Variants in ZFAT observed in about 807,000 individuals in gnomAD.
ZFAT encodes zinc finger and AT-hook domain containing.
A neutral mutation model predicts 117.7 loss-of-function variants in ZFAT; 64 were observed. The ratio of observed to expected loss-of-function variants is 0.54; its 90% CI spans 0.44 to 0.67. ZFAT has a LOEUF of 0.67. ZFAT is among the 30% of genes least tolerant of loss of function. The probability of loss-of-function intolerance (pLI) is 0.00; values close to 1 mark genes in which losing one functional copy is unlikely to be tolerated. For synonymous variants in ZFAT, 679 were observed against 615.0 expected, an observed-to-expected ratio of 1.10 and a Z score of -1.54; for missense variants, 1,433 against 1,584.5, an observed-to-expected ratio of 0.90 and a Z score of 1.62.
chr8:134,567,481 A>T (rs540891930), intron 10 of ZFAT, among the ~76,000 whole-genome samples: 13 of 146,030 alleles, frequency 8.9e-5, no homozygotes, highest in African/African-American at 3.6e-4. Flanking sequence ...CCATCCATCC[A>T]TCCATCCATC....
the ZFAT span, among the ~76,000 whole-genome samples, chr8:134,801,868 AGCTCTGTGATTCTGAAAGCATGG>A: frequency 6.6e-6 from 1 of 152,222 alleles, no homozygotes; most frequent in Non-Finnish European, 1.5e-5. Flanking sequence ...ATGTAAGATG[AGCTCTGTGATTCTGAAAGCATGG>A]GCCTAGAGGA....
At chr8:134,684,627 T>C (rs1288666588) in intron 1 of ZFAT, among the ~76,000 whole-genome samples, 1 of 152,190 alleles carries the variant, frequency 6.6e-6, no homozygotes, top group African/African-American at 2.4e-5. Context: ...CTTACACTTC[T>C]CCCTTCCTTT....
At chr8:134,600,211 C>T (rs575498384) in intron 7 of ZFAT, 3 of 564,284 alleles carry the variant, frequency 5.3e-6, no homozygotes, top group African/African-American at 3.8e-5. Context: ...AAAATTTGCA[C>T]AGGAAACAAT....
At chr8:134,731,455 C>T in the ZFAT span, among the ~76,000 whole-genome samples, 2 of 152,324 alleles carry the variant, frequency 1.3e-5, no homozygotes, top group East Asian at 3.9e-4. Context: ...GTATTTTCAG[C>T]TTTGCAGGCC....
At chr8:134,511,404 C>T (rs1819832072) in intron 14 of ZFAT, among the ~76,000 whole-genome samples, 2 of 152,176 alleles carry the variant, frequency 1.3e-5, no homozygotes, top group South Asian at 2.1e-4. Flanking sequence ...TGGGCCTCGA[C>T]TCTCCCGTCT....
At chr8:134,751,516 T>C in the ZFAT span, among the ~76,000 whole-genome samples, 1 of 152,158 alleles carries the variant, frequency 6.6e-6, no homozygotes, top group Non-Finnish European at 1.5e-5. Flanking sequence ...CACAGTAAAA[T>C]GTGAGCTATT....
At chr8:134,531,429 G>A (rs550857774) in intron 12 of ZFAT, among the ~76,000 whole-genome samples, 60 of 152,258 alleles carry the variant, frequency 3.9e-4, no homozygotes, top group African/African-American at 1.2e-3. Flanking sequence ...AAAATAATGC[G>A]ATGGCTCCAC....
At chr8:134,809,420 C>A in the ZFAT span, among the ~76,000 whole-genome samples, 45,952 of 152,006 alleles carry the variant, frequency 0.3, 7,579 homozygotes, top group African/African-American at 0.43. Flanking sequence ...CCTTGCCGTT[C>A]GGGTGACCAG....
the ZFAT span, among the ~76,000 whole-genome samples, chr8:134,755,817 CA>C: frequency 0.34 from 30,074 of 89,126 alleles, 2,373 homozygotes; most frequent in East Asian, 0.42. Flanking sequence ...GACTCCATCT[CA>C]AAAAAAAAAA....
chr8:134,607,574 A>C (rs1371665708), intron 5 of ZFAT, among the ~76,000 whole-genome samples: 3 of 152,262 alleles, frequency 2.0e-5, no homozygotes, highest in African/African-American at 7.2e-5. Context: ...TCATATCACC[A>C]GTGCCCAGCA....
Position 134,602,086 on chromosome 8 carries a change from C to T in ZFAT, c.1633G>A (p.Gly545Ser). 5.0e-6 allele frequency: 8 copies of T among 1,611,714 alleles called. No individual in the cohort carries two copies. The highest frequency in any genetic ancestry group is 5.9e-6 in the Non-Finnish European group (7 of 1,179,324). Residue 545 changes from glycine (G) to serine (S), a missense_variant, in exon 6 of 16, where the codon GGC becomes AGC. Transcript: ENST00000377838. ...CCAGGGGCCTCCGGCTCCTTCCGGC[C>T]CTCCTCCAGCTGAGTGTCCCCAGGA... ...ACPGDTQLEE[G>S]RKEPEAPGEM...
chr8:134,620,673 A>G lies in ZFAT; in HGVS notation c.449-10018T>C, dbSNP rs1829048573. ...TCACTCTTCCGAGATGGTAGGATACAGCGCAGGGCCAAAGACCCCCAGCTG... is the reference window on the plus strand; with the variant it reads ...TCACTCTTCCGAGATGGTAGGATACGGCGCAGGGCCAAAGACCCCCAGCTG... On this transcript the variant is annotated intron_variant, in intron 3 of 15. Transcript: ENST00000377838. Among the ~76,000 whole-genome samples the G allele has an allele frequency of 2.0e-5, 3 of 152,238 alleles. No homozygotes were observed. In the South Asian group the frequency reaches 6.2e-4, roughly 32 times the overall value.
At chr8:134,675,993 C>G (rs554319982) in intron 1 of ZFAT, among the ~76,000 whole-genome samples, 1 of 152,206 alleles carries the variant, frequency 6.6e-6, no homozygotes, top group East Asian at 1.9e-4. Context: ...CAAAAACATA[C>G]CAAGTTGTAA....
chr8:134,507,652 T>C (rs540389471), intron 15 of ZFAT, among the ~76,000 whole-genome samples: 64 of 152,348 alleles, frequency 4.2e-4, no homozygotes, highest in Non-Finnish European at 7.3e-4. Flanking sequence ...GTCAGTCTGA[T>C]GCCTCAAAGC....
chr8:134,758,378 T>G, the ZFAT span, among the ~76,000 whole-genome samples: 9 of 152,330 alleles, frequency 5.9e-5, no homozygotes, highest in East Asian at 1.7e-3. Context: ...TGGGTTCAAC[T>G]CTCCACTTTA....
chr8:134,500,619 T>C (rs1371954303), intron 15 of ZFAT, among the ~76,000 whole-genome samples: 1 of 152,172 alleles, frequency 6.6e-6, no homozygotes. Context: ...TGGGAAAGGA[T>C]GCAATGTGGA....
the ZFAT span, among the ~76,000 whole-genome samples, chr8:134,738,169 A>T: frequency 6.6e-6 from 1 of 152,190 alleles, no homozygotes; most frequent in Non-Finnish European, 1.5e-5. Flanking sequence ...TTAGAGACCT[A>T]AATCATTTTG....
chr8:134,794,955 T>G, the ZFAT span: 3 of 152,206 alleles, frequency 2.0e-5, no homozygotes, highest in South Asian at 6.2e-4. Flanking sequence ...CTAGTCCTCC[T>G]AACAACCTGA....
At chr8:134,578,679 G>A (rs1197163195) in intron 10 of ZFAT, among the ~76,000 whole-genome samples, 3 of 152,116 alleles carry the variant, frequency 2.0e-5, no homozygotes, top group African/African-American at 4.8e-5. Context: ...GCAGTTAGGA[G>A]GCTACTGCAA....
Sources: allele counts gnomAD v4.1 joint callset (sites outside exome capture counted in the v4.1 genomes callset), GRCh38; gene constraint gnomAD v4.1.1; transcripts MANE v1.5; gene names NCBI Gene and HGNC (gene_info 2026-07-23, HGNC 2026-07-21).